SAMD12: variants seen among roughly 807,000 people sequenced by gnomAD.
The protein encoded by SAMD12 is sterile alpha motif domain containing 12, also known as sterile alpha motif domain-containing protein 12.
In SAMD12, 9 loss-of-function variants were observed where a neutral mutation model predicts 15.0. That is an observed-to-expected ratio of 0.60 (90% confidence interval 0.36 to 1.05). The LOEUF is 1.05. Ranked by LOEUF, SAMD12 falls within the 50% of genes least tolerant of loss-of-function variation. The pLI is 0.01. For missense variants in SAMD12, 230 were observed against 234.2 expected (o/e 0.98, Z 0.12); for synonymous variants, 86 against 90.1 (o/e 0.96, Z 0.25).
At chr8:118,267,822 G>T (rs1008454198) in intron 4 of SAMD12, among the ~76,000 whole-genome samples, 1 of 152,204 alleles carries the variant, frequency 6.6e-6, no homozygotes, top group Non-Finnish European at 1.5e-5. Flanking sequence ...TGGGCATGGT[G>T]GTTCACACCT....
At chr8:118,566,973 T>C (rs1244171150) in intron 2 of SAMD12, among the ~76,000 whole-genome samples, 4 of 152,304 alleles carry the variant, frequency 2.6e-5, no homozygotes, top group East Asian at 1.9e-4. Flanking sequence ...TAAAAATATA[T>C]ACATGTTTTT....
intron 2 of SAMD12, among the ~76,000 whole-genome samples, chr8:118,546,831 C>A (rs1409490075): frequency 1.3e-5 from 2 of 152,188 alleles, no homozygotes; most frequent in Non-Finnish European, 2.9e-5. Flanking sequence ...GCCCAGCAAA[C>A]ACTTGGTGCC....
At chr8:118,293,621 A>T (rs966195615) in intron 4 of SAMD12, among the ~76,000 whole-genome samples, 4 of 152,196 alleles carry the variant, frequency 2.6e-5, no homozygotes, top group East Asian at 1.9e-4. Flanking sequence ...CTTATTTTTT[A>T]AAAATTTTAA....
intron 4 of SAMD12, among the ~76,000 whole-genome samples, chr8:118,334,649 G>A (rs898446406): frequency 6.6e-6 from 1 of 152,150 alleles, no homozygotes; most frequent in Non-Finnish European, 1.5e-5. Flanking sequence ...AGGCTGGAGT[G>A]CAGTGGAGCG....
At chr8:118,418,725 A>T (rs1276496787) in intron 3 of SAMD12, among the ~76,000 whole-genome samples, 2 of 152,112 alleles carry the variant, frequency 1.3e-5, no homozygotes, top group African/African-American at 4.8e-5. Context: ...TCTCAAAAAA[A>T]AAAAAGAAAA....
chr8:118,278,105 A>G (rs1586412909), intron 4 of SAMD12, among the ~76,000 whole-genome samples: 1 of 152,224 alleles, frequency 6.6e-6, no homozygotes, highest in African/African-American at 2.4e-5. Context: ...TTCTAGTGGC[A>G]AGCAATTTTC....
chr8:118,148,313 C>T, the SAMD12 span, among the ~76,000 whole-genome samples: 1 of 152,112 alleles, frequency 6.6e-6, no homozygotes, highest in African/African-American at 2.4e-5. Context: ...ATCCTCCTGC[C>T]TCAGCCTCAA....
At chr8:118,217,794 C>T (rs577863747) in intron 4 of SAMD12, among the ~76,000 whole-genome samples, 11 of 152,314 alleles carry the variant, frequency 7.2e-5, no homozygotes, top group Non-Finnish European at 1.3e-4. Flanking sequence ...TAATCTTTAT[C>T]CAACCATCTG....
rs538422009 is a variant in SAMD12 at position 118,246,244 on chromosome 8, C to T, written c.434-48512G>A. Among the ~76,000 whole-genome samples the T allele has an allele frequency of 3.0e-4, 46 of 152,260 alleles. 1 individual carries two copies. Among genetic ancestry groups the T allele is most frequent in the African/African-American group, 1.1e-3 (46 of 41,570 alleles). ...TCCTGCAAGGACTTGAACTTTCCAG[C>T]CATAAAGTCTGAGCCAATCATGACA... On this transcript the variant is annotated intron_variant, in intron 4 of 4. Transcript: ENST00000409003.
intron 4 of SAMD12, among the ~76,000 whole-genome samples, chr8:118,340,835 T>G (rs1403822077): frequency 6.6e-6 from 1 of 152,122 alleles, no homozygotes; most frequent in Non-Finnish European, 1.5e-5. Context: ...TAAATAAACA[T>G]TATGACCCAA....
intron 4 of SAMD12, among the ~76,000 whole-genome samples, chr8:118,269,671 T>C (rs1053963683): frequency 6.6e-6 from 1 of 152,168 alleles, no homozygotes; most frequent in African/African-American, 2.4e-5. Context: ...TGCAATGAGG[T>C]GGAAGCAAGA....
chr8:118,139,854 T>C, the SAMD12 span, among the ~76,000 whole-genome samples: 1 of 152,210 alleles, frequency 6.6e-6, no homozygotes, highest in Non-Finnish European at 1.5e-5. Flanking sequence ...TCAGTTAGGA[T>C]CTTCTCCTTC....
intron 4 of SAMD12, among the ~76,000 whole-genome samples, chr8:118,299,729 T>C (rs1373058326): frequency 2.0e-5 from 3 of 152,150 alleles, no homozygotes; most frequent in African/African-American, 4.8e-5. Context: ...CCCAAAAATA[T>C]ACTAAGATGG....
At chr8:118,431,933 T>C (rs62533427) in intron 3 of SAMD12, among the ~76,000 whole-genome samples, 81,063 of 151,416 alleles carry the variant, frequency 0.54, 24,050 homozygotes, top group Non-Finnish European at 0.65. Flanking sequence ...TGCTCTGTTG[T>C]TTTCATTCAT....
intron 2 of SAMD12, among the ~76,000 whole-genome samples, chr8:118,499,572 A>C (rs1824719446): frequency 6.6e-6 from 1 of 152,214 alleles, no homozygotes; most frequent in Middle Eastern, 3.2e-3. Context: ...GATATTATTC[A>C]ATACTGTTTT....
intron 4 of SAMD12, among the ~76,000 whole-genome samples, chr8:118,288,728 A>T (rs1814193765): frequency 6.6e-6 from 1 of 152,246 alleles, no homozygotes; most frequent in African/African-American, 2.4e-5. Context: ...ATTACTTCAA[A>T]AACTACTGAA....
At chr8:118,498,289 G>A (rs966448213) in intron 2 of SAMD12, among the ~76,000 whole-genome samples, 1 of 152,194 alleles carries the variant, frequency 6.6e-6, no homozygotes, top group African/African-American at 2.4e-5. Context: ...TTCCCTTGAA[G>A]ACAGGTCCAT....
At chr8:118,505,799 A>G (rs919191456) in intron 2 of SAMD12, among the ~76,000 whole-genome samples, 1 of 151,990 alleles carries the variant, frequency 6.6e-6, no homozygotes, top group African/African-American at 2.4e-5. Context: ...CTTTTTGTGA[A>G]TTCACTTAAT....
chr8:118,156,588 T>C, the SAMD12 span, among the ~76,000 whole-genome samples: 2 of 152,234 alleles, frequency 1.3e-5, no homozygotes, highest in African/African-American at 4.8e-5. Context: ...ATTTACCAAT[T>C]CTTATATGTC....
Sources: allele counts gnomAD v4.1 joint callset (sites outside exome capture counted in the v4.1 genomes callset), GRCh38; gene constraint gnomAD v4.1.1; transcripts MANE v1.5; gene names NCBI Gene and HGNC (gene_info 2026-07-23, HGNC 2026-07-21).